Variants in PDZD2 observed in about 807,000 individuals in gnomAD.
PDZD2 encodes PDZ domain-containing protein 2.
A neutral mutation model predicts 220.7 loss-of-function variants in PDZD2; 90 were observed. That is an observed-to-expected ratio of 0.41 (90% CI 0.34 to 0.49). PDZD2 has a LOEUF of 0.49. Among genes scored for constraint, PDZD2 ranks in the 20% least tolerant of loss-of-function variants. The probability of loss-of-function intolerance (pLI) is 0.28; values close to 1 mark genes in which losing one functional copy is unlikely to be tolerated. For missense variants in PDZD2, 3,174 were observed against 3,608.5 expected (o/e 0.88, Z 3.08); for synonymous variants, 1,375 against 1,450.5 (o/e 0.95, Z 1.18).
intron 2 of PDZD2, among the ~76,000 whole-genome samples, chr5:31,887,444 C>T (rs114828161): frequency 0.01 from 1,524 of 152,260 alleles, 32 homozygotes; most frequent in African/African-American, 0.035. Context: ...TGTGCACTTT[C>T]ATCCACAGGC....
At chr5:31,665,644 T>TCCCCCCCCCCC (rs5867091) in intron 1 of PDZD2, among the ~76,000 whole-genome samples, 10 of 119,062 alleles carry the variant, frequency 8.4e-5, no homozygotes, top group South Asian at 5.8e-4. Context: ...AAGTTCCCCC[T>TCCCCCCCCCCC]CCCCCCCCTC....
intron 1 of PDZD2, chr5:31,748,025 A>G (rs553380396): frequency 6.6e-6 from 1 of 152,390 alleles, no homozygotes; most frequent in East Asian, 1.9e-4. Context: ...AGTTCAGGCT[A>G]TGTGGAACTG....
chr5:31,645,352 T>TTTTTTTTTTTTTC (rs1554059041), intron 1 of PDZD2, among the ~76,000 whole-genome samples: 1 of 135,706 alleles, frequency 7.4e-6, no homozygotes, highest in African/African-American at 2.6e-5. Flanking sequence ...TTTTTTTTTT[T>TTTTTTTTTTTTTC]TTGAGACGGA....
At chr5:32,101,377 C>G in intron 24 of PDZD2, 138 bp downstream of exon 24, 1 of 802,096 alleles carries the variant, frequency 1.2e-6, no homozygotes, top group Middle Eastern at 3.7e-4. Context: ...AAGGTTTATT[C>G]TGTATGGACA....
chr5:31,694,190 A>C (rs1283551333), intron 1 of PDZD2, among the ~76,000 whole-genome samples: 1 of 152,118 alleles, frequency 6.6e-6, no homozygotes. Flanking sequence ...CAGGAGTTCC[A>C]AGACCAGCCT....
At chr5:31,856,489 C>A (rs954719510) in intron 2 of PDZD2, among the ~76,000 whole-genome samples, 15 of 152,280 alleles carry the variant, frequency 9.9e-5, no homozygotes, top group African/African-American at 3.1e-4. Context: ...TGGGCCCTCA[C>A]CCTCTCTGAG....
Position 31,639,239 on chromosome 5 carries a change from G to A in PDZD2, c.-559G>A, listed in dbSNP as rs1187660350. ...CGGGGCGGCGGCTGCAGGCAGCCGA[G>A]GAGCCGCAGGCCGAACCCAAGGCAC... On this transcript the variant is annotated 5_prime_UTR_variant, in exon 1 of 25. Coordinates refer to ENST00000438447, the MANE Select transcript of PDZD2 (RefSeq NM_178140.4). This position sits in a 1 kb window ranked among gnomAD's most constrained non-coding sequence, Gnocchi z 4.1. Among the ~76,000 whole-genome samples the A allele has an allele frequency of 6.6e-6, 1 of 151,364 alleles. No homozygotes were observed. The highest frequency in any genetic ancestry group is 1.5e-5 in the Non-Finnish European group (1 of 67,756).
Position 32,024,463 on chromosome 5 carries a change from A to C in PDZD2, c.1408-12768A>C, listed in dbSNP as rs527873254. Among the ~76,000 whole-genome samples the C allele has an allele frequency of 2.1e-4, 32 of 152,198 alleles. 2 individuals carry two copies. In the South Asian group the frequency reaches 6.7e-3, roughly 32 times the overall value. ...TTCGGGAGGCCAAGGCGGGCAGATT[A>C]CCTGAGGTCAGGAGTTTGAGACCAA... On this transcript the variant is annotated intron_variant, in intron 6 of 24. Coordinates refer to ENST00000438447, the MANE Select transcript of PDZD2 (RefSeq NM_178140.4).
At chr5:31,950,175 G>A (rs1747055194) in intron 2 of PDZD2, among the ~76,000 whole-genome samples, 1 of 152,150 alleles carries the variant, frequency 6.6e-6, no homozygotes, top group African/African-American at 2.4e-5. Flanking sequence ...GGTTGTGCCT[G>A]AAACTATGTA....
chr5:32,097,268 G>T lies in PDZD2; in HGVS notation c.7846-11G>T. ...GTAGCTCAAAGGATAATTTTTGTTT[G>T]TTTTCACTAGAATGAAGAAGATGTT... On this transcript the variant is annotated splice_polypyrimidine_tract_variant and intron_variant, in intron 21 of 24. Coordinates refer to ENST00000438447, the MANE Select transcript of PDZD2 (RefSeq NM_178140.4). 1 of 1,571,984 alleles carries T rather than the reference G, an allele frequency of 6.4e-7. No homozygotes were observed.
intron 2 of PDZD2, among the ~76,000 whole-genome samples, chr5:31,806,796 C>T (rs952815805): frequency 5.3e-5 from 8 of 152,148 alleles, no homozygotes; most frequent in African/African-American, 1.9e-4. Flanking sequence ...ACAGATTGTT[C>T]CAAATTGGTC....
intron 2 of PDZD2, among the ~76,000 whole-genome samples, chr5:31,956,560 TAAATA>T (rs1293892235): frequency 3.6e-5 from 4 of 111,762 alleles, no homozygotes; most frequent in East Asian, 2.5e-4. Flanking sequence ...AAAAAAAAAA[TAAATA>T]AAATAAATAA....
chr5:31,966,518 G>A (rs1364151738), intron 2 of PDZD2, among the ~76,000 whole-genome samples: 2 of 152,134 alleles, frequency 1.3e-5, no homozygotes, highest in Non-Finnish European at 2.9e-5. Context: ...TGAGAACCAG[G>A]GGTCGCAGAG....
At chr5:32,041,999 AGGTCAGGAGAT>A (rs1345310930) in intron 7 of PDZD2, among the ~76,000 whole-genome samples, 3 of 128,690 alleles carry the variant, frequency 2.3e-5, no homozygotes, top group Non-Finnish European at 3.3e-5. Flanking sequence ...GCGGCTCACG[AGGTCAGGAGAT>A]CGAGACCATC....
chr5:31,866,751 C>T (rs1738266816), intron 2 of PDZD2, among the ~76,000 whole-genome samples: 1 of 152,132 alleles, frequency 6.6e-6, no homozygotes. Flanking sequence ...ATATCTGTGA[C>T]TATTAGTGAA....
intron 2 of PDZD2, chr5:31,840,440 A>G (rs60270425): frequency 4.5e-5 from 3 of 66,110 alleles, no homozygotes; most frequent in Non-Finnish European, 5.5e-5. Flanking sequence ...ATATATATAT[A>G]TATATATATT....
At position 32,000,956 on chromosome 5, in the gene PDZD2, G is replaced by A. The variant is rs1392903613; in HGVS notation, c.1254+685G>A. ...GACAGCGTTACCTCCTGAGAGCTCC[G>A]CCTCCTGTCAGATCAGCGGCGGCAC... On this transcript the variant is annotated intron_variant, in intron 5 of 24. Coordinates refer to ENST00000438447, the MANE Select transcript of PDZD2 (RefSeq NM_178140.4). This position sits in a 1 kb window ranked among gnomAD's most constrained non-coding sequence, Gnocchi z 4.5. 4.6e-5 allele frequency among the ~76,000 whole-genome samples: 7 copies of A among 152,208 alleles called. No homozygotes were observed. Among genetic ancestry groups the A allele is most frequent in the South Asian group, 2.1e-4 (1 of 4,834 alleles).
chr5:31,671,300 G>T (rs1449760079), intron 1 of PDZD2, among the ~76,000 whole-genome samples: 1 of 152,236 alleles, frequency 6.6e-6, no homozygotes, highest in Non-Finnish European at 1.5e-5. Flanking sequence ...CATAGAAAGG[G>T]TAAGAGCAGA....
chr5:31,984,520 A>G (rs1750557653), intron 3 of PDZD2, among the ~76,000 whole-genome samples: 1 of 152,172 alleles, frequency 6.6e-6, no homozygotes, highest in African/African-American at 2.4e-5. Context: ...TGAAAGAGAA[A>G]GTTATAAAGA....
Sources: allele counts gnomAD v4.1 joint callset (sites outside exome capture counted in the v4.1 genomes callset), GRCh38; gene constraint gnomAD v4.1.1; non-coding constraint Gnocchi (gnomAD v3.1); transcripts MANE v1.5; gene names NCBI Gene and HGNC (gene_info 2026-07-23, HGNC 2026-07-21).